GALNTL6: variants seen among roughly 807,000 people sequenced by gnomAD.
GALNTL6 encodes the protein polypeptide N-acetylgalactosaminyltransferase like 6, also known as polypeptide N-acetylgalactosaminyltransferase-like 6.
In GALNTL6, 46 loss-of-function variants were observed where a neutral mutation model predicts 73.7. That is an observed-to-expected ratio of 0.62 (90% CI 0.49 to 0.80). GALNTL6 has a LOEUF of 0.80. Among genes scored for constraint, GALNTL6 ranks in the 30% least tolerant of loss-of-function variants. The probability of loss-of-function intolerance (pLI) is 0.00; values close to 1 mark genes in which losing one functional copy is unlikely to be tolerated. For synonymous variants in GALNTL6, 259 were observed against 263.7 expected (o/e 0.98, Z 0.17); for missense variants, 604 against 755.0 (o/e 0.80, Z 2.34).
At chr4:172,524,624 A>G (rs1734892782) in intron 5 of GALNTL6, among the ~76,000 whole-genome samples, 1 of 152,246 alleles carries the variant, frequency 6.6e-6, no homozygotes, top group Non-Finnish European at 1.5e-5. Flanking sequence ...TATAAGTCTC[A>G]GTACACACAT....
In GALNTL6 at chr4:172,047,074, T is replaced by A. The variant is rs137855882; in HGVS notation, c.139-182582T>A. ...CTTATGAAATAAAGGAGAAAATGATTGGTTATTGAAACAAACTAACCTGCT... is the reference window on the plus strand; with the variant it reads ...CTTATGAAATAAAGGAGAAAATGATAGGTTATTGAAACAAACTAACCTGCT... On this transcript the variant is annotated intron_variant, in intron 2 of 12. Transcript: ENST00000506823. Among the ~76,000 whole-genome samples the A allele has an allele frequency of 9.5e-3, 1,445 of 152,276 alleles. 16 individuals carry two copies. The highest frequency in any genetic ancestry group is 0.014 in the Non-Finnish European group (954 of 68,010).
intron 5 of GALNTL6, among the ~76,000 whole-genome samples, chr4:172,573,822 A>G (rs1461926442): frequency 6.6e-6 from 1 of 152,202 alleles, no homozygotes; most frequent in Admixed American, 6.5e-5. Flanking sequence ...AGCACTGTCA[A>G]ACAAACTCAA....
intron 5 of GALNTL6, among the ~76,000 whole-genome samples, chr4:172,486,149 G>A (rs1733658774): frequency 6.6e-6 from 1 of 152,096 alleles, no homozygotes; most frequent in Non-Finnish European, 1.5e-5. Context: ...TTTTTATTCT[G>A]TGTGTTTCAC....
chr4:172,026,113 AAAAT>A (rs1275859722), intron 2 of GALNTL6, among the ~76,000 whole-genome samples: 3 of 152,206 alleles, frequency 2.0e-5, no homozygotes, highest in African/African-American at 7.2e-5. Flanking sequence ...AGATTTTTAA[AAAAT>A]AAAGTATACA....
intron 3 of GALNTL6, among the ~76,000 whole-genome samples, chr4:172,300,120 T>A (rs544912015): frequency 6.6e-6 from 1 of 152,330 alleles, no homozygotes; most frequent in Admixed American, 6.5e-5. Context: ...TTTACCATTA[T>A]GTAATGGCCT....
chr4:172,156,551 A>AGTATATATG (rs1355487634), intron 2 of GALNTL6, among the ~76,000 whole-genome samples: 3 of 134,622 alleles, frequency 2.2e-5, no homozygotes, highest in African/African-American at 9.0e-5. Context: ...ATATATATAT[A>AGTATATATG]TATATATATA....
chr4:172,050,008 G>GAAA (rs10716022), intron 2 of GALNTL6, among the ~76,000 whole-genome samples: 4 of 151,168 alleles, frequency 2.6e-5, no homozygotes, highest in Non-Finnish European at 4.4e-5. Context: ...GAAGGAAAAA[G>GAAA]AAAAAAAAAA....
At chr4:173,022,151 A>AGAAGGCAG (rs1331024945) in intron 12 of GALNTL6, among the ~76,000 whole-genome samples, 7 of 130,468 alleles carry the variant, frequency 5.4e-5, no homozygotes, top group Non-Finnish European at 8.1e-5. Context: ...AAAGAGAGAG[A>AGAAGGCAG]GAAGGCAGGA....
At chr4:172,803,664 T>C (rs1433675322) in intron 5 of GALNTL6, among the ~76,000 whole-genome samples, 1 of 152,262 alleles carries the variant, frequency 6.6e-6, no homozygotes, top group Non-Finnish European at 1.5e-5. Context: ...GATCCATTAA[T>C]TCATTAGGAG....
At chr4:172,288,334 G>A (rs1038957010) in intron 3 of GALNTL6, among the ~76,000 whole-genome samples, 29 of 152,056 alleles carry the variant, frequency 1.9e-4, no homozygotes, top group South Asian at 4.2e-4. Context: ...CTCGTGATCC[G>A]CCTGCCTCGG....
chr4:171,833,246 C>A (rs902292077), intron 2 of GALNTL6, among the ~76,000 whole-genome samples: 1 of 151,404 alleles, frequency 6.6e-6, no homozygotes, highest in South Asian at 2.1e-4. Context: ...TTGCTATTGA[C>A]TGGTGTTTAA....
chr4:172,609,623 C>CTGTGTGTGTGTGTGTG (rs1414167008), intron 5 of GALNTL6, among the ~76,000 whole-genome samples: 2 of 92,618 alleles, frequency 2.2e-5, no homozygotes, highest in East Asian at 3.1e-4. Flanking sequence ...CTCTCTCTCT[C>CTGTGTGTGTGTGTGTG]TCTGTGTGTG....
intron 2 of GALNTL6, among the ~76,000 whole-genome samples, chr4:172,072,182 C>T (rs1731563984): frequency 6.6e-6 from 1 of 152,098 alleles, no homozygotes; most frequent in South Asian, 2.1e-4. Flanking sequence ...GCCTGAGAAG[C>T]CCGATGTGAT....
intron 2 of GALNTL6, among the ~76,000 whole-genome samples, chr4:171,862,188 T>G (rs1252645515): frequency 6.6e-6 from 1 of 152,120 alleles, no homozygotes; most frequent in Non-Finnish European, 1.5e-5. Context: ...AGAAATAAAT[T>G]AGAATTTTAT....
At chr4:171,970,278 G>A (rs1459704900) in intron 2 of GALNTL6, among the ~76,000 whole-genome samples, 1 of 152,176 alleles carries the variant, frequency 6.6e-6, no homozygotes, top group African/African-American at 2.4e-5. Flanking sequence ...ACTACCTACT[G>A]TAAATTTTAA....
At chr4:172,141,912 C>CA (rs33969520) in intron 2 of GALNTL6, among the ~76,000 whole-genome samples, 4,566 of 43,962 alleles carry the variant, frequency 0.1, 97 homozygotes, top group Middle Eastern at 0.19. Flanking sequence ...CACACACACA[C>CA]CCCCCACACT....
chr4:172,035,311 T>C (rs1741900467), intron 2 of GALNTL6, among the ~76,000 whole-genome samples: 1 of 152,066 alleles, frequency 6.6e-6, no homozygotes, highest in Admixed American at 6.6e-5. Context: ...TTCCTGAGGC[T>C]AAAATATGAA....
In GALNTL6 at chr4:172,445,633, G is replaced by A. The variant is rs563108745; in HGVS notation, c.553+96944G>A. Among the ~76,000 whole-genome samples the A allele has an allele frequency of 5.9e-5, 9 of 152,186 alleles. No individual in the cohort carries two copies. The East Asian group carries it at 1.7e-3, about 29-fold the overall frequency. On this transcript the variant is annotated intron_variant, in intron 5 of 12. Coordinates refer to ENST00000506823, the MANE Select transcript of GALNTL6 (RefSeq NM_001034845.3). ...TGGAAGATCAACTTATTAAGTAAAT[G>A]CCTTTCTTTCCTAAAACAATTATGG...
chr4:173,030,837 CAAAAAAAA>C (rs34361684), intron 12 of GALNTL6, among the ~76,000 whole-genome samples: 1 of 111,918 alleles, frequency 8.9e-6, no homozygotes, highest in African/African-American at 3.1e-5. Context: ...CTGTCTCTAC[CAAAAAAAA>C]AAAAAAAAAA....
Sources: gnomAD v4.1 joint callset for allele counts (sites outside exome capture counted in the v4.1 genomes callset) on GRCh38, gnomAD v4.1.1 for gene constraint, MANE v1.5 for transcripts, NCBI Gene and HGNC (gene_info 2026-07-23, HGNC 2026-07-21) for gene names.